Variants in CREBBP observed in about 807,000 individuals in gnomAD.
The protein encoded by CREBBP is CREB-binding protein.
Under a neutral mutation model 265.0 loss-of-function variants are expected in CREBBP, and 19 were observed. That is an observed-to-expected ratio of 0.07 (90% CI 0.05 to 0.11). CREBBP has a LOEUF of 0.11. CREBBP is among the 10% of genes least tolerant of loss of function. The pLI, the probability that CREBBP is intolerant of heterozygous loss-of-function variation, is 1.00. For synonymous variants in CREBBP, 1,457 were observed against 1,223.7 expected (o/e 1.19, Z -3.98); for missense variants, 2,525 against 3,219.0 (o/e 0.78, Z 5.22).
Position 3,770,751 on chromosome 16 carries a change from G to A in CREBBP, c.2699C>T (p.Thr900Ile), listed in dbSNP as rs2141201380. ...ACTGGGCACTGAGCCAGGAGTCGGG[G>A]TGGGAGTCTGCCCGGAAGACGACAC... ...TPVSSSGQTP[T>I]PTPGSVPSAT... Residue 900 changes from threonine (T) to isoleucine (I), a missense_variant, in exon 14 of 31, where the codon ACC becomes ATC. Transcript: ENST00000262367. 2.5e-6 allele frequency: 4 copies of A among 1,614,162 alleles called. No homozygotes were observed. The highest frequency in any genetic ancestry group is 2.2e-5 in the East Asian group (1 of 44,872).
intron 3 of CREBBP, among the ~76,000 whole-genome samples, chr16:3,802,635 T>G (rs1752655222): frequency 6.6e-6 from 1 of 152,176 alleles, no homozygotes; most frequent in African/African-American, 2.4e-5. Flanking sequence ...CATTTTTTAC[T>G]GTGTGTCCAA....
At chr16:3,879,672 G>A (rs956466944) in intron 1 of CREBBP, among the ~76,000 whole-genome samples, 160 bp downstream of exon 1, 21 of 152,130 alleles carry the variant, frequency 1.4e-4, no homozygotes, top group Non-Finnish European at 2.8e-4. Context: ...GTCCTGCGAC[G>A]AACTTCCACC....
At chr16:3,854,638 C>T (rs2054921974) in intron 1 of CREBBP, among the ~76,000 whole-genome samples, 1 of 152,200 alleles carries the variant, frequency 6.6e-6, no homozygotes. Context: ...ACACCAGATG[C>T]CCCCTACTTT....
chr16:3,834,778 T>A (rs1343089288), intron 2 of CREBBP, among the ~76,000 whole-genome samples: 1 of 152,114 alleles, frequency 6.6e-6, no homozygotes, highest in Non-Finnish European at 1.5e-5. Flanking sequence ...GACTATGAAC[T>A]AGGAGAACAG....
chr16:3,818,611 A>G (rs2054084928), intron 2 of CREBBP, among the ~76,000 whole-genome samples: 1 of 152,056 alleles, frequency 6.6e-6, no homozygotes, highest in South Asian at 2.1e-4. Flanking sequence ...GGCGTGAGCC[A>G]CCGCACCTGG....
chr16:3,800,767 G>A (rs1183396899), intron 3 of CREBBP, among the ~76,000 whole-genome samples: 3 of 152,078 alleles, frequency 2.0e-5, no homozygotes, highest in Non-Finnish European at 4.4e-5. Flanking sequence ...AGAGAAAAAA[G>A]AACAAAAGCC....
At chr16:3,734,882 C>A (rs1443381111) in intron 28 of CREBBP, among the ~76,000 whole-genome samples, 1 of 152,174 alleles carries the variant, frequency 6.6e-6, no homozygotes, top group Non-Finnish European at 1.5e-5. Flanking sequence ...ACCAGAGTGG[C>A]AGTATGTCCC....
In CREBBP at chr16:3,767,860, T is replaced by C. The variant is rs755638291; in HGVS notation, c.3110A>G (p.Asp1037Gly). The change falls in exon 16 of 31, where the codon GAC becomes GGC. Residue 1037 changes from aspartate to glycine, a missense_variant. Physicochemically the swap from Asp to Gly is moderately conservative, Grantham distance 94 (BLOSUM62 -1). Transcript: ENST00000262367. The part of the protein sequence containing the change: ...QGASQVKEET[D>G]IAEQKSEPME... The stretch of plus-strand genomic sequence containing the variant: ...TGGTTCTGATTTCTGCTCTGCTATG[T>C]CTGTTTCTTCTTTAACTTGGGAAGC... The C allele has an allele frequency of 3.1e-6, 5 of 1,614,220 alleles. No individual in the cohort carries two copies. Among genetic ancestry groups the C allele is most frequent in the Non-Finnish European group, 4.2e-6 (5 of 1,180,044 alleles).
At chr16:3,747,761 G>A (rs185423785) in intron 21 of CREBBP, among the ~76,000 whole-genome samples, 2 of 152,230 alleles carry the variant, frequency 1.3e-5, no homozygotes, top group East Asian at 3.9e-4. Context: ...AGGAGTTCAA[G>A]ACCAGCCTGG....
chr16:3,818,303 C>CT (rs71133660), intron 2 of CREBBP, among the ~76,000 whole-genome samples: 22,242 of 106,476 alleles, frequency 0.21, 3,280 homozygotes, highest in Non-Finnish European at 0.31. Flanking sequence ...GTTTTCTTTT[C>CT]TTTTTTTTTT....
At chr16:3,777,780 C>A in intron 10 of CREBBP, 123 bp from the exon 11 acceptor site, 1 of 1,215,268 alleles carries the variant, frequency 8.2e-7, no homozygotes, top group Non-Finnish European at 1.2e-6. Flanking sequence ...CCAATAGGTC[C>A]AAAAGCACGT....
chr16:3,830,262 G>A (rs541196528), intron 2 of CREBBP, among the ~76,000 whole-genome samples: 2 of 152,228 alleles, frequency 1.3e-5, no homozygotes, highest in Admixed American at 1.3e-4. Context: ...GCCAGACGTG[G>A]TAGTGTGTGC....
chr16:3,739,377 C>G (rs373919270), intron 25 of CREBBP: 6 of 640,302 alleles, frequency 9.4e-6, no homozygotes, highest in African/African-American at 5.5e-5. Flanking sequence ...ACACAAAACA[C>G]GCTCACTGCA....
At chr16:3,762,990 G>A (rs1210896647) in intron 16 of CREBBP, among the ~76,000 whole-genome samples, 1 of 151,404 alleles carries the variant, frequency 6.6e-6, no homozygotes, top group African/African-American at 2.4e-5. Context: ...TAGCCAGGAT[G>A]GTCTCGATCT....
In CREBBP at chr16:3,879,946, C is replaced by A. The variant is rs370708486; in HGVS notation, c.-30G>T. ...ACCTGCTCGCGAAAACAGCCCCGGG[C>A]ACGGGCGGCCGGGCCGGCGAGGGCC... On this transcript the variant is annotated 5_prime_UTR_variant, in exon 1 of 31. Transcript: ENST00000262367. 54 of 1,599,608 alleles carry A rather than the reference C, an allele frequency of 3.4e-5. No homozygotes were observed. In the African/African-American group the frequency reaches 5.1e-4, roughly 15 times the overall value.
At chr16:3,769,752 AC>A (rs2052953286) in intron 14 of CREBBP, among the ~76,000 whole-genome samples, 1 of 152,226 alleles carries the variant, frequency 6.6e-6, no homozygotes, top group African/African-American at 2.4e-5. Flanking sequence ...TCAAGTGCCT[AC>A]CCAAAGACAG....
intron 1 of CREBBP, among the ~76,000 whole-genome samples, chr16:3,862,957 A>C (rs1009615140): frequency 6.6e-6 from 1 of 152,170 alleles, no homozygotes; most frequent in Non-Finnish European, 1.5e-5. Context: ...TTTTACACGG[A>C]AATGTGCTTA....
chr16:3,804,316 C>T (rs953490711), intron 3 of CREBBP, among the ~76,000 whole-genome samples: 5 of 151,960 alleles, frequency 3.3e-5, no homozygotes, highest in East Asian at 1.9e-4. Flanking sequence ...AGAATACTTA[C>T]GACATTTACA....
In CREBBP at chr16:3,731,071, T is replaced by G. The variant is rs2051901156; in HGVS notation, c.5172+121A>C. 9.8e-7 allele frequency: 1 copy of G among 1,016,868 alleles called. No individual in the cohort carries two copies. Among genetic ancestry groups the G allele is most frequent in the Admixed American group, 1.8e-5 (1 of 54,904 alleles). 63.0% of individuals were successfully genotyped at this position (1,016,868 alleles called of 1,614,324 possible). ...CTGCCTTGTGACGCTGTCCTAGTTC[T>G]GGAGGAGTCAGTGCAGCCACCATCA... On this transcript the variant is annotated intron_variant, in intron 30 of 30. Transcript: ENST00000262367. This position sits in a 1 kb window ranked among gnomAD's most constrained non-coding sequence, Gnocchi z 7.7.
Sources: gnomAD v4.1 joint callset for allele counts (sites outside exome capture counted in the v4.1 genomes callset) on GRCh38, gnomAD v4.1.1 for gene constraint, Gnocchi (gnomAD v3.1) non-coding constraint, MANE v1.5 for transcripts, NCBI Gene and HGNC (gene_info 2026-07-23, HGNC 2026-07-21) for gene names.